The following FBXL13 variants were observed in gnomAD, a reference collection of about 807,000 sequenced individuals.
FBXL13 encodes the protein F-box and leucine rich repeat protein 13.
Under a neutral mutation model 83.6 loss-of-function variants are expected in FBXL13, and 67 were observed. That is an observed-to-expected ratio of 0.80 (90% CI 0.66 to 0.98). The LOEUF (loss-of-function observed/expected upper bound fraction) is 0.98, where lower values mean the gene tolerates loss of function less well. Among genes scored for constraint, FBXL13 ranks in the 50% least tolerant of loss-of-function variants. The probability of loss-of-function intolerance (pLI) is 0.00; values close to 1 mark genes in which losing one functional copy is unlikely to be tolerated. For missense variants in FBXL13, 822 were observed against 866.5 expected (o/e 0.95, Z 0.64); for synonymous variants, 272 against 299.5 (o/e 0.91, Z 0.95).
At position 102,883,326 on chromosome 7, in the gene FBXL13, AAC is replaced by A. The variant is rs1186295594; in HGVS notation, c.1365_1366del (p.Leu456GlufsTer10). The A allele has an allele frequency of 7.4e-6, 12 of 1,612,086 alleles. No homozygotes were observed. The East Asian group carries it at 1.3e-4, about 18-fold the overall frequency. On this transcript the variant is annotated frameshift_variant, in exon 14 of 20. Transcript: ENST00000313221. LOFTEE classifies it high-confidence loss of function. ...TTACCTTACACAATTTGCCAAATTC[AAC>A]ACAGTCAGTTGCTTCAAAGGTGAAA...
intron 2 of FBXL13, among the ~76,000 whole-genome samples, chr7:103,049,727 C>T (rs1311418443): frequency 6.6e-6 from 1 of 152,182 alleles, no homozygotes; most frequent in African/African-American, 2.4e-5. Flanking sequence ...TTAACCATAG[C>T]ACTCTTTAAT....
chr7:102,831,948 G>A (rs1045383199), intron 18 of FBXL13, among the ~76,000 whole-genome samples: 1 of 152,072 alleles, frequency 6.6e-6, no homozygotes, highest in Non-Finnish European at 1.5e-5. Flanking sequence ...ATGGAGATAT[G>A]TCCATAGTAT....
At chr7:102,999,501 T>C (rs955099213) in intron 6 of FBXL13, among the ~76,000 whole-genome samples, 21 of 152,228 alleles carry the variant, frequency 1.4e-4, no homozygotes, top group Non-Finnish European at 2.8e-4. Flanking sequence ...TATTAATTAT[T>C]CTTTAAATAT....
intron 2 of FBXL13, among the ~76,000 whole-genome samples, chr7:103,045,079 C>A (rs1312085572): frequency 1.3e-5 from 2 of 152,234 alleles, no homozygotes; most frequent in Non-Finnish European, 2.9e-5. Context: ...GACTCCAGTG[C>A]AGCCACATGG....
exon 7 of FBXL13, chr7:102,968,072 C>T (rs1410923391): frequency 6.2e-7 from 1 of 1,613,928 alleles, no homozygotes; most frequent in East Asian, 2.2e-5. Flanking sequence ...GCATGATTAA[C>T]TTGACCACAT....
intron 6 of FBXL13, among the ~76,000 whole-genome samples, chr7:102,992,609 C>G (rs1829695538): frequency 6.6e-6 from 1 of 152,114 alleles, no homozygotes; most frequent in Admixed American, 6.6e-5. Flanking sequence ...TAAACTTTTT[C>G]CCTTTTTGGG....
intron 15 of FBXL13, among the ~76,000 whole-genome samples, 197 bp from the exon 17 acceptor site, chr7:102,877,790 G>A (rs1809468758): frequency 6.6e-6 from 1 of 152,102 alleles, no homozygotes; most frequent in South Asian, 2.1e-4. Flanking sequence ...ATTATTATAT[G>A]ACTTTCTTTC....
chr7:102,817,129 T>A (rs1221734211), intron 19 of FBXL13, among the ~76,000 whole-genome samples: 1 of 152,230 alleles, frequency 6.6e-6, no homozygotes, highest in Non-Finnish European at 1.5e-5. Context: ...TACCCAGTAG[T>A]GGGATTACTG....
At chr7:102,845,719 C>G (rs1452202580) in intron 17 of FBXL13, among the ~76,000 whole-genome samples, 1 of 152,218 alleles carries the variant, frequency 6.6e-6, no homozygotes, top group Admixed American at 6.5e-5. Context: ...GCTATCCTGT[C>G]ACCCCTGGAC....
chr7:102,976,358 C>T, intron 6 of FBXL13: 1 of 597,236 alleles, frequency 1.7e-6, no homozygotes, highest in Non-Finnish European at 3.0e-6. Flanking sequence ...AAACCCTGAG[C>T]CCCCCGCTCC....
At chr7:102,867,093 C>T (rs1807756220) in intron 16 of FBXL13, among the ~76,000 whole-genome samples, 2 of 152,308 alleles carry the variant, frequency 1.3e-5, no homozygotes, top group African/African-American at 4.8e-5. Context: ...ACAGCTGACG[C>T]CTAACATCTC....
At chr7:103,018,885 T>G (rs1473033905) in intron 6 of FBXL13, among the ~76,000 whole-genome samples, 1 of 151,652 alleles carries the variant, frequency 6.6e-6, no homozygotes, top group East Asian at 2.0e-4. Context: ...TGGGAGACTT[T>G]AACACCCCAC....
chr7:102,834,115 AAAG>A (rs1801365831), intron 17 of FBXL13, among the ~76,000 whole-genome samples: 3 of 115,988 alleles, frequency 2.6e-5, no homozygotes, highest in East Asian at 2.6e-4. Context: ...AGAAAGAAAG[AAAG>A]AAAGAAAGAA....
chr7:102,942,245 A>G, intron 8 of FBXL13: 1 of 1,509,812 alleles, frequency 6.6e-7, no homozygotes. Flanking sequence ...GTTAAGGCAA[A>G]ATGACCTAAA....
intron 11 of FBXL13, among the ~76,000 whole-genome samples, chr7:102,899,064 C>T (rs538686892): frequency 9.9e-5 from 15 of 152,074 alleles, no homozygotes; most frequent in Admixed American, 4.6e-4. Context: ...TACAGACTTG[C>T]GCCGCCATAC....
intron 1 of FBXL13, among the ~76,000 whole-genome samples, chr7:103,062,806 T>C (rs956009568): frequency 1.3e-5 from 2 of 152,210 alleles, no homozygotes; most frequent in African/African-American, 4.8e-5. Flanking sequence ...AATGGATAAA[T>C]GCTCAGAGAG....
intron 5 of FBXL13, among the ~76,000 whole-genome samples, chr7:103,025,818 G>A (rs796879334): frequency 9.9e-5 from 15 of 151,936 alleles, no homozygotes; most frequent in African/African-American, 3.6e-4. Flanking sequence ...ACACATATTA[G>A]AGCCTGAGGC....
chr7:103,058,477 A>G (rs1170745921), intron 1 of FBXL13, among the ~76,000 whole-genome samples: 2 of 152,220 alleles, frequency 1.3e-5, no homozygotes, highest in Non-Finnish European at 2.9e-5. Flanking sequence ...TATTATCTGG[A>G]GGCCAATCAG....
At chr7:103,070,300 C>A (rs1436380807) in intron 1 of FBXL13, among the ~76,000 whole-genome samples, 1 of 151,902 alleles carries the variant, frequency 6.6e-6, no homozygotes, top group Non-Finnish European at 1.5e-5. Flanking sequence ...GGTGTGATCT[C>A]AGCTCACTGC....
Sources: gnomAD v4.1 joint callset for allele counts (sites outside exome capture counted in the v4.1 genomes callset) on GRCh38, gnomAD v4.1.1 for gene constraint, MANE v1.5 for transcripts, NCBI Gene and HGNC (gene_info 2026-07-23, HGNC 2026-07-21) for gene names.